The following INTS6 variants were observed in gnomAD, a reference collection of about 807,000 sequenced individuals.
The protein encoded by INTS6 is integrator complex subunit 6.
In INTS6, 16 loss-of-function variants were observed where a neutral mutation model predicts 104.9. That is an observed-to-expected ratio of 0.15 (90% confidence interval 0.10 to 0.23). The LOEUF (loss-of-function observed/expected upper bound fraction) is 0.23. Among genes scored for constraint, INTS6 ranks in the 10% least tolerant of loss-of-function variants. INTS6 has a pLI of 1.00. For missense variants in INTS6, 584 were observed against 1,062.8 expected, an observed-to-expected ratio of 0.55 and a Z score of 6.26; for synonymous variants, 324 against 358.7, an observed-to-expected ratio of 0.90 and a Z score of 1.09.
chr13:51,385,643 C>T (rs1056640576), intron 7 of INTS6, among the ~76,000 whole-genome samples: 4 of 152,080 alleles, frequency 2.6e-5, no homozygotes, highest in Non-Finnish European at 5.9e-5. Flanking sequence ...CTAATAGTGC[C>T]GTGATTCAAA....
chr13:51,421,243 C>G (rs1283494978), intron 4 of INTS6: 5 of 985,490 alleles, frequency 5.1e-6, no homozygotes, highest in Admixed American at 6.2e-5. Flanking sequence ...GATCCTGTAT[C>G]CAGGAATCAT....
chr13:51,355,342 C>T (rs1245225259), intron 3 of INTS6, among the ~76,000 whole-genome samples: 1 of 152,050 alleles, frequency 6.6e-6, no homozygotes, highest in African/African-American at 2.4e-5. Flanking sequence ...TTTCTTCAGG[C>T]CTTAATCATG....
intron 4 of INTS6, among the ~76,000 whole-genome samples, chr13:51,429,785 A>AAAAAAAAAAAATATAT (rs1156333077): frequency 9.7e-5 from 9 of 92,356 alleles, no homozygotes; most frequent in African/African-American, 1.8e-4. Context: ...AAAAAAAAAA[A>AAAAAAAAAAAATATAT]ATATATATAT....
chr13:51,399,735 T>C (rs1354654491), intron 4 of INTS6, among the ~76,000 whole-genome samples: 1 of 147,312 alleles, frequency 6.8e-6, no homozygotes, highest in Admixed American at 6.8e-5. Flanking sequence ...TGTGTGTGCG[T>C]GTGTGTAGTG....
chr13:51,415,081 T>A (rs758338104), intron 4 of INTS6, among the ~76,000 whole-genome samples: 2 of 151,686 alleles, frequency 1.3e-5, no homozygotes, highest in African/African-American at 2.4e-5. Context: ...AAAGAACTAC[T>A]GCATTCTGTT....
At chr13:51,359,500 G>A (rs897338962), downstream of INTS6, among the ~76,000 whole-genome samples, 8 of 152,084 alleles carry the variant, frequency 5.3e-5, no homozygotes, top group Non-Finnish European at 1.0e-4. Flanking sequence ...CTGATGGAGA[G>A]AAACTGTTTA....
At position 51,452,366 on chromosome 13, in the gene INTS6, CCG is replaced by C; in HGVS notation, c.111+47_111+48del. 1 of 1,475,796 alleles carries C rather than the reference CCG, an allele frequency of 6.8e-7. No homozygotes were observed. The highest frequency in any genetic ancestry group is 9.0e-7 in the Non-Finnish European group (1 of 1,109,938). The allele number at this position is 1,475,796 out of a possible 1,614,324, so 91.4% of individuals were successfully genotyped here. Reference sequence around the variant, plus strand: ...CGGCCGCCCTCCCCCACCCTGCCGCCCGCGGGCCGCCGGGCCGGGGTCGCCGC... The same window carrying C: ...CGGCCGCCCTCCCCCACCCTGCCGCCCGGGCCGCCGGGCCGGGGTCGCCGC... On this transcript the variant is annotated intron_variant, in intron 1 of 17. Coordinates refer to ENST00000311234, the MANE Select transcript of INTS6 (RefSeq NM_012141.3). This position sits in a 1 kb window ranked among gnomAD's most constrained non-coding sequence, Gnocchi z 4.2.
chr13:51,366,564 A>C (rs1357863591), intron 17 of INTS6, among the ~76,000 whole-genome samples: 1 of 151,988 alleles, frequency 6.6e-6, no homozygotes, highest in Non-Finnish European at 1.5e-5. Context: ...AGCCACCATA[A>C]TACTACACAA....
At chr13:51,401,088 C>T (rs1226299203) in intron 4 of INTS6, among the ~76,000 whole-genome samples, 1 of 152,074 alleles carries the variant, frequency 6.6e-6, no homozygotes, top group African/African-American at 2.4e-5. Context: ...AAGAAAACTT[C>T]CTATATGCCT....
chr13:51,405,008 A>G (rs537746899), intron 4 of INTS6, among the ~76,000 whole-genome samples: 2 of 152,234 alleles, frequency 1.3e-5, no homozygotes, highest in Non-Finnish European at 2.9e-5. Flanking sequence ...AAATATGCAT[A>G]AAGTACAAAA....
At chr13:51,355,220 C>A in intron 3 of INTS6, 1 of 530,980 alleles carries the variant, frequency 1.9e-6, no homozygotes, top group South Asian at 2.4e-5. Context: ...AAGGGATTCT[C>A]ATTTCAGAGT....
At chr13:51,345,739 T>C in the INTS6 span, among the ~76,000 whole-genome samples, 2 of 152,234 alleles carry the variant, frequency 1.3e-5, no homozygotes, top group East Asian at 3.8e-4. Context: ...TCATGCTCTT[T>C]TATTTTACCA....
chr13:51,452,921 G>A lies in INTS6; in HGVS notation c.-396C>T, dbSNP rs949869951. On this transcript the variant is annotated 5_prime_UTR_variant, in exon 1 of 18. Transcript: ENST00000311234. The surrounding 1 kb of genome is among the most constrained non-coding windows in gnomAD (Gnocchi z 4.2). ...CAGGAGTGGGGACCTGGGAGCTGGC[G>A]AAGAGGGGAGTGGGCTGAGGGAAGA... The A allele has an allele frequency of 1.6e-5, 17 of 1,080,904 alleles. No individual in the cohort carries two copies. The highest frequency in any genetic ancestry group is 1.9e-5 in the Non-Finnish European group (17 of 887,708). 67.0% of individuals were successfully genotyped at this position (1,080,904 alleles called of 1,614,324 possible).
intron 11 of INTS6, among the ~76,000 whole-genome samples, chr13:51,379,118 G>C (rs1955994826): frequency 6.6e-6 from 1 of 151,434 alleles, no homozygotes; most frequent in Non-Finnish European, 1.5e-5. Context: ...AAATCTGCAG[G>C]TTTCAAAACA....
intron 2 of INTS6, 66 bp downstream of exon 2, chr13:51,451,912 G>C: frequency 1.1e-5 from 13 of 1,161,098 alleles, no homozygotes; most frequent in Non-Finnish European, 1.6e-5. Context: ...ATGGGGGGGC[G>C]GGGAGGGCGA....
At chr13:51,373,190 TTTTGGTG>T (rs1643087717) in intron 15 of INTS6, among the ~76,000 whole-genome samples, 1 of 151,320 alleles carries the variant, frequency 6.6e-6, no homozygotes, top group Admixed American at 6.6e-5. Flanking sequence ...TGATGTTCAA[TTTTGGTG>T]TTTGGTTTTT....
chr13:51,422,193 A>G (rs1956907246), intron 4 of INTS6, among the ~76,000 whole-genome samples: 2 of 152,122 alleles, frequency 1.3e-5, no homozygotes, highest in Admixed American at 6.6e-5. Context: ...CAATTACTTT[A>G]CCTTCCTTTC....
At chr13:51,402,380 A>T (rs1956455659) in intron 4 of INTS6, 1 of 152,170 alleles carries the variant, frequency 6.6e-6, no homozygotes, top group South Asian at 2.1e-4. Flanking sequence ...CTAGGGAGGG[A>T]GGACTGCAAT....
intron 3 of INTS6, chr13:51,436,360 T>C (rs1359685076): frequency 1.3e-5 from 2 of 152,184 alleles, no homozygotes; most frequent in African/African-American, 4.8e-5. Flanking sequence ...ACAGAAAACA[T>C]GTTAGAATTC....
Sources: allele counts gnomAD v4.1 joint callset (sites outside exome capture counted in the v4.1 genomes callset), GRCh38; gene constraint gnomAD v4.1.1; non-coding constraint Gnocchi (gnomAD v3.1); transcripts MANE v1.5; gene names NCBI Gene and HGNC (gene_info 2026-07-23, HGNC 2026-07-21).